The following ACTN2 variants were observed in gnomAD, a reference collection of about 807,000 sequenced individuals.
ACTN2 encodes the protein actinin alpha 2, also known as alpha-actinin-2.
Under a neutral mutation model 113.8 loss-of-function variants are expected in ACTN2, and 39 were observed. That is an observed-to-expected ratio of 0.34 (90% CI 0.27 to 0.45). The LOEUF (loss-of-function observed/expected upper bound fraction) is 0.45. Among genes scored for constraint, ACTN2 ranks in the 20% least tolerant of loss-of-function variants. The pLI, the probability that ACTN2 is intolerant of heterozygous loss-of-function variation, is 1.00. For missense variants in ACTN2, 992 were observed against 1,177.9 expected (o/e 0.84, Z 2.31); for synonymous variants, 429 against 444.1 (o/e 0.97, Z 0.43).
rs1050078594 is a variant in ACTN2, at chr1:236,731,809, T to A, written c.697+495T>A. 4.6e-5 allele frequency among the ~76,000 whole-genome samples: 7 copies of A among 152,326 alleles called. No homozygotes were observed. In the South Asian group the frequency reaches 1.4e-3, roughly 32 times the overall value. ...GTACCATCCAAACTTTCACATATTG[T>A]TTTTAATTCATCTAAATTTAATTTA... On this transcript the variant is annotated intron_variant, in intron 7 of 20. Coordinates refer to ENST00000366578, the MANE Select transcript of ACTN2 (RefSeq NM_001103.4).
At chr1:236,739,280 T>C (rs1418643981) in intron 9 of ACTN2, 22 bp from the exon 10 acceptor site, 1 of 1,613,036 alleles carries the variant, frequency 6.2e-7, no homozygotes, top group South Asian at 1.1e-5. Context: ...TCTTCAGCAG[T>C]ATTTTTGTGT....
Position 236,712,524 on chromosome 1 carries a change from A to G in ACTN2, c.127-5334A>G, listed in dbSNP as rs370235162. On this transcript the variant is annotated intron_variant, in intron 1 of 20. Transcript: ENST00000366578. ...CTATGGTAAATTACCTTCATTGTATATATATCTATAAAAAGGTAATATCAA... is the reference window on the plus strand; with the variant it reads ...CTATGGTAAATTACCTTCATTGTATGTATATCTATAAAAAGGTAATATCAA... 4.6e-5 allele frequency among the ~76,000 whole-genome samples: 7 copies of G among 152,340 alleles called. No homozygotes were observed. In the East Asian group the frequency reaches 1.2e-3, roughly 25 times the overall value.
intron 14 of ACTN2, among the ~76,000 whole-genome samples, chr1:236,749,651 A>T (rs1325641423): frequency 6.6e-6 from 1 of 152,096 alleles, no homozygotes; most frequent in East Asian, 1.9e-4. Flanking sequence ...ACAAAAAAAA[A>T]TTAGCTGGGT....
intron 12 of ACTN2, 138 bp from the exon 13 acceptor site, chr1:236,747,529 C>T (rs1659271918): frequency 2.7e-6 from 2 of 740,126 alleles, no homozygotes; most frequent in South Asian, 3.2e-5. Flanking sequence ...TGTCTATCAG[C>T]CCACTCTCTA....
intron 1 of ACTN2, among the ~76,000 whole-genome samples, chr1:236,688,376 C>CT (rs539065333): frequency 0.081 from 11,588 of 142,652 alleles, 455 homozygotes; most frequent in Middle Eastern, 0.16. Context: ...TTTCTGTTGC[C>CT]TTTTTTTTTT....
At chr1:236,696,262 G>T (rs754776963) in intron 1 of ACTN2, among the ~76,000 whole-genome samples, 3 of 151,032 alleles carry the variant, frequency 2.0e-5, no homozygotes, top group Non-Finnish European at 4.4e-5. Flanking sequence ...CAGCTGGAGC[G>T]CAGTGAGATC....
At chr1:236,736,877 TC>T (rs1337754679) in intron 8 of ACTN2, 7 of 603,130 alleles carry the variant, frequency 1.2e-5, no homozygotes, top group Non-Finnish European at 2.1e-5. Context: ...TAATGCTCTC[TC>T]CCCGTTATTC....
At chr1:236,734,414 CCTT>C in intron 7 of ACTN2, 4 of 1,518,966 alleles carry the variant, frequency 2.6e-6, no homozygotes, top group Non-Finnish European at 3.5e-6. Flanking sequence ...ACGCGGTTAA[CCTT>C]CTTTTCTCCA....
At chr1:236,728,896 A>G (rs921010332) in intron 6 of ACTN2, among the ~76,000 whole-genome samples, 58 of 152,002 alleles carry the variant, frequency 3.8e-4, no homozygotes, top group Admixed American at 2.9e-3. Context: ...ACCAACTCCC[A>G]AACAAAAACG....
chr1:236,720,285 T>G lies in ACTN2; in HGVS notation c.448+94T>G, dbSNP rs143503216. The G allele has an allele frequency of 5.6e-3, 5,746 of 1,018,892 alleles. 30 individuals are homozygous for G. Among genetic ancestry groups the G allele is most frequent in the Non-Finnish European group, 7.7e-3 (4,971 of 645,252 alleles). The allele number at this position is 1,018,892 out of a possible 1,614,324, so 63.1% of individuals were successfully genotyped here. A position where few individuals can be genotyped will look rare whatever the true frequency, so the allele number is the denominator to read the frequency against. ...AGATGTTTTAAAGTCCAACAGTCAC[T>G]TACATGATTGAATGAGAGACATGTA... On this transcript the variant is annotated intron_variant, in intron 4 of 20. Coordinates refer to ENST00000366578, the MANE Select transcript of ACTN2 (RefSeq NM_001103.4).
Position 236,761,033 on chromosome 1 carries a change from C to T in ACTN2, c.2386C>T (p.Arg796Cys), listed in dbSNP as rs397516574. The T allele has an allele frequency of 2.2e-5, 36 of 1,614,022 alleles. No homozygotes were observed. Among genetic ancestry groups the T allele is most frequent in the Non-Finnish European group, 2.9e-5 (34 of 1,180,048 alleles). Residue 796 changes from arginine (R) to cysteine (C), a missense_variant, in exon 20 of 21, where the codon CGC becomes TGC. Arg to Cys is a radical substitution (Grantham distance 180). This residue lies in a region of ACTN2 where 736 missense variants were observed against 815.4 expected (regional missense o/e 0.90). Transcript: ENST00000366578. ...GYDLGEAEFARIMTLVDPNGQ... is the reference protein window; with the variant it reads ...GYDLGEAEFACIMTLVDPNGQ... ...GCCCCAGGGTGAAGCCGAATTTGCC[C>T]GCATTATGACCCTGGTAGATCCCAA...
intron 1 of ACTN2, 25 bp downstream of exon 1, chr1:236,686,824 C>G (rs1230212365): frequency 2.1e-6 from 3 of 1,454,900 alleles, no homozygotes; most frequent in South Asian, 1.5e-5. Context: ...GCGGGCCGCC[C>G]GCGCGTGGTG....
At chr1:236,712,806 A>G (rs1558229344) in intron 1 of ACTN2, among the ~76,000 whole-genome samples, 1 of 152,188 alleles carries the variant, frequency 6.6e-6, no homozygotes, top group Non-Finnish European at 1.5e-5. Context: ...AGATTTAAAT[A>G]ACAGACAAAG....
Position 236,686,725 on chromosome 1 carries a change from G to T in ACTN2, c.52G>T (p.Glu18Ter). Reference protein sequence around the residue: ...VQYNYVYDEDEYMIQEEEWDR... With the variant: ...VQYNYVYDED The stretch of plus-strand genomic sequence containing the variant: ...GTACAACTACGTGTACGACGAGGAT[G>T]AGTACATGATCCAGGAGGAGGAGTG... The change falls in exon 1 of 21, where the codon GAG becomes TAG. Residue 18 changes from glutamate (E) to a stop codon, truncating the protein, a stop_gained. Transcript: ENST00000366578. LOFTEE classifies it high-confidence loss of function. 6.4e-7 allele frequency: 1 copy of T among 1,568,120 alleles called. No individual in the cohort carries two copies.
Position 236,737,318 on chromosome 1 carries a change from T to TATATATATA in ACTN2, c.876+104_876+105insATATATATA, listed in dbSNP as rs1465770912. On this transcript the variant is annotated intron_variant, in intron 9 of 20. Transcript: ENST00000366578. Reference sequence around the variant, plus strand: ...GGGGGCATATATATATATATATATATTTTGCATTTTTCATCTCAGATAGGA... The same window carrying TATATATATA: ...GGGGGCATATATATATATATATATATATATATATATTTGCATTTTTCATCTCAGATAGGA... The TATATATATA allele has an allele frequency of 1.8e-3, 519 of 296,036 alleles. 66 individuals carry two copies. The highest frequency in any genetic ancestry group is 2.4e-3 in the Non-Finnish European group (347 of 145,744). 18.3% of individuals were successfully genotyped at this position (296,036 alleles called of 1,614,324 possible). A position where few individuals can be genotyped will look rare whatever the true frequency, so the allele number is the denominator to read the frequency against.
chr1:236,695,971 A>G (rs1433001303), intron 1 of ACTN2, among the ~76,000 whole-genome samples: 2 of 152,182 alleles, frequency 1.3e-5, no homozygotes, highest in Non-Finnish European at 2.9e-5. Flanking sequence ...CCTATATTTT[A>G]TTAGTGAATG....
Position 236,757,650 on chromosome 1 carries a change from T to C in ACTN2, c.2301+18T>C, listed in dbSNP as rs1331394481. On this transcript the variant is annotated intron_variant, in intron 18 of 20. Transcript: ENST00000366578. Reference sequence around the variant, plus strand: ...TTGACAGGGTACCACTCTCTACTTATTTGAAGGGCAATACTGGGGACATTA... The same window carrying C: ...TTGACAGGGTACCACTCTCTACTTACTTGAAGGGCAATACTGGGGACATTA... 4 of 1,613,934 alleles carry C rather than the reference T, an allele frequency of 2.5e-6. No homozygotes were observed. The highest frequency in any genetic ancestry group is 3.3e-5 in the Admixed American group (2 of 59,996).
At chr1:236,749,799 TCAA>T (rs542797120) in intron 14 of ACTN2, among the ~76,000 whole-genome samples, 10 of 151,956 alleles carry the variant, frequency 6.6e-5, no homozygotes, top group Admixed American at 2.0e-4. Flanking sequence ...AGACCCTGTC[TCAA>T]CAACAACAAC....
At chr1:236,739,181 C>A in intron 9 of ACTN2, 121 bp from the exon 10 acceptor site, 1 of 1,033,010 alleles carries the variant, frequency 9.7e-7, no homozygotes, top group Non-Finnish European at 1.5e-6. Flanking sequence ...AGAGGTACCA[C>A]ATCTCAGTGA....
Sources: allele counts gnomAD v4.1 joint callset (sites outside exome capture counted in the v4.1 genomes callset), GRCh38; gene constraint gnomAD v4.1.1; regional missense constraint gnomAD v4.1.1; transcripts MANE v1.5; gene names NCBI Gene and HGNC (gene_info 2026-07-23, HGNC 2026-07-21).